Variants in WWOX observed in about 807,000 individuals in gnomAD.
The protein encoded by WWOX is WW domain-containing oxidoreductase.
WWOX carries 69 observed loss-of-function variants against 46.2 expected under a neutral mutation model. The observed-to-expected ratio is 1.49, with a 90% confidence interval of 1.23 to 1.82. WWOX has a LOEUF of 1.82. Ranked by LOEUF, WWOX falls within the 40% of genes most tolerant of loss-of-function variation. WWOX has a pLI of 0.00. For missense variants in WWOX, 919 were observed against 542.6 expected (o/e 1.69, Z -6.89); for synonymous variants, 359 against 202.6 (o/e 1.77, Z -6.56).
At chr16:78,129,529 T>C (rs1318134080) in intron 4 of WWOX, among the ~76,000 whole-genome samples, 1 of 152,114 alleles carries the variant, frequency 6.6e-6, no homozygotes, top group Non-Finnish European at 1.5e-5. Flanking sequence ...TGTCATGTGA[T>C]AGTGATTAAG....
chr16:78,520,416 G>C (rs2043323315), intron 8 of WWOX, among the ~76,000 whole-genome samples: 1 of 152,312 alleles, frequency 6.6e-6, no homozygotes, highest in South Asian at 2.1e-4. Context: ...CGTTTTCGAG[G>C]CTGGAAAGGC....
intron 8 of WWOX, among the ~76,000 whole-genome samples, chr16:79,094,227 A>G (rs914381437): frequency 1.4e-5 from 2 of 147,000 alleles, no homozygotes; most frequent in East Asian, 3.9e-4. Context: ...TCTCGTCTGC[A>G]TTTCCTGAGG....
intron 8 of WWOX, among the ~76,000 whole-genome samples, chr16:78,733,140 ATTTAC>A (rs1180760454): frequency 6.6e-6 from 1 of 152,236 alleles, no homozygotes; most frequent in South Asian, 2.1e-4. Flanking sequence ...TTACGTTCAT[ATTTAC>A]TTATGTTTTT....
intron 8 of WWOX, among the ~76,000 whole-genome samples, chr16:78,892,861 A>G (rs2044621141): frequency 6.6e-6 from 1 of 152,200 alleles, no homozygotes; most frequent in Non-Finnish European, 1.5e-5. Context: ...CTGTTTGAGC[A>G]TGTTGGCTTC....
At chr16:78,627,530 A>G (rs1051435682) in intron 8 of WWOX, among the ~76,000 whole-genome samples, 6 of 152,222 alleles carry the variant, frequency 3.9e-5, no homozygotes, top group African/African-American at 1.4e-4. Flanking sequence ...GAAGTCACCA[A>G]TGAGAGTTCA....
chr16:79,083,460 C>G (rs902758497), intron 8 of WWOX, among the ~76,000 whole-genome samples: 1 of 152,120 alleles, frequency 6.6e-6, no homozygotes, highest in Non-Finnish European at 1.5e-5. Flanking sequence ...TGTAAAGTCA[C>G]TAAGATTTTG....
chr16:78,872,020 A>C (rs1290391918), intron 8 of WWOX, among the ~76,000 whole-genome samples: 2 of 152,330 alleles, frequency 1.3e-5, no homozygotes, highest in Non-Finnish European at 2.9e-5. Context: ...AACTGGAGAG[A>C]AATCTCTAGT....
intron 8 of WWOX, among the ~76,000 whole-genome samples, chr16:78,754,119 C>T (rs1048386612): frequency 2.0e-5 from 3 of 151,888 alleles, no homozygotes; most frequent in East Asian, 1.9e-4. Flanking sequence ...AAATGGATTC[C>T]GCCAGGCATT....
chr16:78,516,781 C>T (rs978088356), intron 8 of WWOX, among the ~76,000 whole-genome samples: 4 of 152,150 alleles, frequency 2.6e-5, no homozygotes, highest in African/African-American at 9.7e-5. Flanking sequence ...ATTCAAAAAT[C>T]CGTGGCAAGG....
rs1426687711 is a variant in WWOX at position 78,338,878 on chromosome 16, T to C, written c.517-47982T>C. On this transcript the variant is annotated intron_variant, in intron 5 of 8. Coordinates refer to ENST00000566780, the MANE Select transcript of WWOX (RefSeq NM_016373.4). ...GTTTAAAGTTAGTCAGGTATGTCTA[T>C]TAAATTTTTACGTAAAAAGTTAAAG... Among the ~76,000 whole-genome samples, 2 of 121,406 alleles carry C rather than the reference T, an allele frequency of 1.6e-5. 1 individual carries two copies. 79.6% of individuals were successfully genotyped at this position (121,406 alleles called of 152,430 possible). A position where few individuals can be genotyped will look rare whatever the true frequency, so the allele number is the denominator to read the frequency against.
chr16:78,829,055 C>G (rs2051739176), intron 8 of WWOX, among the ~76,000 whole-genome samples: 1 of 151,970 alleles, frequency 6.6e-6, no homozygotes, highest in African/African-American at 2.4e-5. Flanking sequence ...ACATCATAAG[C>G]AGAACCATCA....
intron 4 of WWOX, among the ~76,000 whole-genome samples, chr16:78,149,261 G>A (rs1465615974): frequency 6.6e-6 from 1 of 152,184 alleles, no homozygotes; most frequent in Non-Finnish European, 1.5e-5. Flanking sequence ...CGGTCATGGT[G>A]TAAAGATCAT....
At chr16:78,351,227 A>G (rs1184251614) in intron 5 of WWOX, among the ~76,000 whole-genome samples, 1 of 152,228 alleles carries the variant, frequency 6.6e-6, no homozygotes, top group East Asian at 1.9e-4. Context: ...TCCCCAACAA[A>G]CACTGCTCCC....
At chr16:78,143,896 G>A (rs1220166422) in intron 4 of WWOX, among the ~76,000 whole-genome samples, 3 of 150,992 alleles carry the variant, frequency 2.0e-5, no homozygotes, top group African/African-American at 4.9e-5. Context: ...TTCACGTTTC[G>A]GATCAGCTTT....
intron 8 of WWOX, among the ~76,000 whole-genome samples, chr16:78,797,015 G>C (rs1302089653): frequency 1.3e-5 from 2 of 151,778 alleles, no homozygotes; most frequent in African/African-American, 2.4e-5. Context: ...TAGTAGTGCC[G>C]GGGTTTCACC....
chr16:78,391,211 G>T (rs889243973), intron 6 of WWOX, among the ~76,000 whole-genome samples: 1 of 152,186 alleles, frequency 6.6e-6, no homozygotes, highest in Non-Finnish European at 1.5e-5. Flanking sequence ...TGCAAAGGAG[G>T]CTGTTGTAGA....
intron 8 of WWOX, among the ~76,000 whole-genome samples, chr16:78,822,895 A>C (rs914573328): frequency 1.3e-5 from 2 of 152,136 alleles, no homozygotes; most frequent in East Asian, 3.8e-4. Flanking sequence ...AGCAAGAAAC[A>C]TCATAAAGGG....
At chr16:79,154,460 G>A (rs2050341230) in intron 8 of WWOX, among the ~76,000 whole-genome samples, 1 of 138,656 alleles carries the variant, frequency 7.2e-6, no homozygotes, top group African/African-American at 2.7e-5. Context: ...ACCTCTCAAA[G>A]ATAGACATGG....
intron 8 of WWOX, among the ~76,000 whole-genome samples, chr16:78,662,186 T>C (rs992908116): frequency 2.0e-5 from 3 of 152,112 alleles, no homozygotes; most frequent in African/African-American, 7.2e-5. Flanking sequence ...ACTCTGAGGA[T>C]GAATTGCCTA....
Sources: gnomAD v4.1 joint callset for allele counts (sites outside exome capture counted in the v4.1 genomes callset) on GRCh38, gnomAD v4.1.1 for gene constraint, MANE v1.5 for transcripts, NCBI Gene and HGNC (gene_info 2026-07-23, HGNC 2026-07-21) for gene names.